Variants in ECT2 observed in about 807,000 individuals in gnomAD.
ECT2 encodes epithelial cell transforming 2, also known as protein ECT2.
A neutral mutation model predicts 116.9 loss-of-function variants in ECT2; 61 were observed. That is an observed-to-expected ratio of 0.52 (90% confidence interval 0.42 to 0.65). The LOEUF is 0.65. ECT2 is among the 30% of genes least tolerant of loss of function. The probability of loss-of-function intolerance (pLI) is 0.00; values close to 1 mark genes in which losing one functional copy is unlikely to be tolerated. For missense variants in ECT2, 937 were observed against 1,078.7 expected, an observed-to-expected ratio of 0.87 and a Z score of 1.84; for synonymous variants, 358 against 346.4, an observed-to-expected ratio of 1.03 and a Z score of -0.37.
At chr3:172,760,107 T>C (rs771405161) in intron 6 of ECT2, 49 bp from the exon 7 acceptor site, 3 of 1,268,052 alleles carry the variant, frequency 2.4e-6, no homozygotes, top group Non-Finnish European at 3.3e-6. Context: ...AGTTTAAAAT[T>C]TTGTTCAAAT....
intron 11 of ECT2, 92 bp downstream of exon 11, chr3:172,763,064 G>T: frequency 7.7e-7 from 1 of 1,294,448 alleles, no homozygotes; most frequent in Non-Finnish European, 1.1e-6. Context: ...GCATGTTTAG[G>T]AATTTCAGAA....
chr3:172,757,755 T>TG (rs775063002), intron 5 of ECT2, among the ~76,000 whole-genome samples: 39 of 152,140 alleles, frequency 2.6e-4, no homozygotes, highest in Non-Finnish European at 3.4e-4. Flanking sequence ...GAAGATTACT[T>TG]GCTTAAACTT....
intron 18 of ECT2, among the ~76,000 whole-genome samples, chr3:172,802,320 G>A (rs1726866533): frequency 6.6e-6 from 1 of 151,972 alleles, no homozygotes; most frequent in South Asian, 2.1e-4. Flanking sequence ...CACCATGTTG[G>A]TCAGGCTGGT....
chr3:172,780,851 T>C (rs1158709593), intron 14 of ECT2, among the ~76,000 whole-genome samples: 1 of 152,078 alleles, frequency 6.6e-6, no homozygotes, highest in Non-Finnish European at 1.5e-5. Flanking sequence ...ATATTATTTT[T>C]GGTGAAATGG....
At chr3:172,757,415 C>CTTTTTTTTT (rs34169147) in intron 5 of ECT2, among the ~76,000 whole-genome samples, 1 of 120,438 alleles carries the variant, frequency 8.3e-6, no homozygotes, top group Non-Finnish European at 1.7e-5. Flanking sequence ...ATACATAGTC[C>CTTTTTTTTT]TTTTTTTTTT....
At chr3:172,807,582 T>G in intron 21 of ECT2, 188 bp from the exon 22 acceptor site, 1 of 562,966 alleles carries the variant, frequency 1.8e-6, no homozygotes, top group South Asian at 3.1e-5. Context: ...TGGTATACTA[T>G]ATTGTGTTTT....
At chr3:172,816,658 T>C (rs1479162267) in intron 23 of ECT2, 33 bp from the exon 24 acceptor site, 1 of 1,547,008 alleles carries the variant, frequency 6.5e-7, no homozygotes. Flanking sequence ...ATTGAATTTG[T>C]CTAGGTTTAA....
At chr3:172,817,326 A>C (rs4243402) in intron 24 of ECT2, among the ~76,000 whole-genome samples, 70,600 of 152,000 alleles carry the variant, frequency 0.46, 19,473 homozygotes, top group East Asian at 0.69. Context: ...AGAAAACCCT[A>C]CTATGAATGA....
intron 18 of ECT2, among the ~76,000 whole-genome samples, chr3:172,798,249 G>A (rs1192378511): frequency 6.6e-6 from 1 of 151,864 alleles, no homozygotes; most frequent in Non-Finnish European, 1.5e-5. Flanking sequence ...TATAATTTTG[G>A]TTGTTATCTT....
intron 15 of ECT2, 82 bp from the exon 16 acceptor site, chr3:172,783,717 C>T: frequency 1.1e-6 from 1 of 871,418 alleles, no homozygotes; most frequent in South Asian, 1.5e-5. Flanking sequence ...ATTGTGACTA[C>T]TAATTATTTG....
intron 14 of ECT2, among the ~76,000 whole-genome samples, chr3:172,775,846 C>CTGGT (rs979230085): frequency 2.0e-5 from 3 of 152,018 alleles, no homozygotes; most frequent in African/African-American, 7.2e-5. Context: ...GCTGACCAGG[C>CTGGT]TGGTCTTGAA....
At chr3:172,806,222 C>G (rs140575810) in intron 21 of ECT2, 1 of 167,254 alleles carries the variant, frequency 6.0e-6, no homozygotes, top group African/African-American at 2.4e-5. Context: ...AGTCTGTTAC[C>G]TGCACCCCTC....
intron 12 of ECT2, among the ~76,000 whole-genome samples, chr3:172,768,536 A>G (rs1211087063): frequency 6.6e-6 from 1 of 152,190 alleles, no homozygotes; most frequent in Non-Finnish European, 1.5e-5. Context: ...TAACTACATT[A>G]CTTACTACAT....
chr3:172,758,878 T>C, intron 5 of ECT2, 102 bp from the exon 6 acceptor site: 1 of 1,009,974 alleles, frequency 9.9e-7, no homozygotes, highest in Non-Finnish European at 1.5e-6. Flanking sequence ...ATTGGGAAAG[T>C]TGAATGGCAA....
intron 15 of ECT2, 95 bp downstream of exon 15, chr3:172,782,326 G>A: frequency 3.4e-6 from 2 of 585,896 alleles, no homozygotes; most frequent in Non-Finnish European, 5.6e-6. Flanking sequence ...AATGTGAGAG[G>A]TTTTAAAACT....
intron 17 of ECT2, among the ~76,000 whole-genome samples, chr3:172,785,137 T>A (rs1176969779): frequency 1.3e-5 from 2 of 152,172 alleles, no homozygotes; most frequent in African/African-American, 4.8e-5. Flanking sequence ...AGATAATTTG[T>A]ATGTCCCGAC....
chr3:172,793,795 T>C (rs1725124620), intron 18 of ECT2, among the ~76,000 whole-genome samples: 2 of 152,292 alleles, frequency 1.3e-5, no homozygotes, highest in South Asian at 4.1e-4. Flanking sequence ...GACATTCTAA[T>C]AGATGTTTGG....
At chr3:172,751,083 G>A (rs1241323311) in intron 1 of ECT2, 1 of 152,296 alleles carries the variant, frequency 6.6e-6, no homozygotes. Flanking sequence ...GGGCATCTTC[G>A]CCCTCACCTG....
At chr3:172,757,482 C>G (rs1425744841) in intron 5 of ECT2, among the ~76,000 whole-genome samples, 1 of 139,086 alleles carries the variant, frequency 7.2e-6, no homozygotes, top group African/African-American at 2.7e-5. Context: ...GTGGCACGAT[C>G]TCAGCTCACT....
Sources: allele counts gnomAD v4.1 joint callset (sites outside exome capture counted in the v4.1 genomes callset), GRCh38; gene constraint gnomAD v4.1.1; transcripts MANE v1.5; gene names NCBI Gene and HGNC (gene_info 2026-07-23, HGNC 2026-07-21).